Variants in PARD3 observed in about 807,000 individuals in gnomAD.
PARD3 encodes partitioning defective 3 homolog.
PARD3 carries 75 observed loss-of-function variants against 155.4 expected under a neutral mutation model. The observed-to-expected ratio is 0.48, with a 90% confidence interval of 0.40 to 0.58. PARD3 has a LOEUF of 0.58. Among genes scored for constraint, PARD3 ranks in the 20% least tolerant of loss-of-function variants. The pLI is 0.00. For missense variants in PARD3, 1,642 were observed against 1,721.7 expected, an observed-to-expected ratio of 0.95 and a Z score of 0.82; for synonymous variants, 576 against 610.5, an observed-to-expected ratio of 0.94 and a Z score of 0.83.
chr10:34,439,063 C>T (rs1198015407), intron 5 of PARD3, among the ~76,000 whole-genome samples: 1 of 152,090 alleles, frequency 6.6e-6, no homozygotes, highest in East Asian at 1.9e-4. Context: ...GTGCATGACT[C>T]CGTAGACAGG....
At chr10:34,254,776 AT>A (rs1217345307) in intron 22 of PARD3, among the ~76,000 whole-genome samples, 2 of 152,114 alleles carry the variant, frequency 1.3e-5, no homozygotes, top group Admixed American at 1.3e-4. Flanking sequence ...AATAGGTCTT[AT>A]TCATTTCCAT....
intron 22 of PARD3, among the ~76,000 whole-genome samples, chr10:34,152,802 G>T (rs1948839459): frequency 6.6e-6 from 1 of 152,176 alleles, no homozygotes; most frequent in South Asian, 2.1e-4. Flanking sequence ...GCACTGAATG[G>T]AAGGTTAAAG....
chr10:34,151,663 A>T (rs7096259), intron 22 of PARD3, among the ~76,000 whole-genome samples: 7,583 of 152,142 alleles, frequency 0.05, 472 homozygotes, highest in African/African-American at 0.15. Context: ...GCTTCAATTT[A>T]AAAAAATACA....
At chr10:34,244,324 T>C (rs934394377) in intron 22 of PARD3, among the ~76,000 whole-genome samples, 4 of 152,162 alleles carry the variant, frequency 2.6e-5, no homozygotes, top group African/African-American at 9.7e-5. Context: ...TCAGGAAACA[T>C]TTAAAGGAAA....
At chr10:34,477,781 G>A (rs960176017) in intron 3 of PARD3, among the ~76,000 whole-genome samples, 14 of 152,128 alleles carry the variant, frequency 9.2e-5, no homozygotes, top group Non-Finnish European at 1.8e-4. Flanking sequence ...GTATTTAATC[G>A]AATCTAAATA....
chr10:34,347,374 C>G (rs1460411459), intron 15 of PARD3, among the ~76,000 whole-genome samples: 1 of 152,180 alleles, frequency 6.6e-6, no homozygotes, highest in Non-Finnish European at 1.5e-5. Context: ...CACTGGGGGC[C>G]ATGCAGATAG....
chr10:34,453,362 T>C (rs1230189950), intron 4 of PARD3, among the ~76,000 whole-genome samples: 2 of 152,222 alleles, frequency 1.3e-5, no homozygotes, highest in South Asian at 2.1e-4. Context: ...TTCTAACTTA[T>C]AATTTAGCTA....
At chr10:34,628,097 A>G (rs2092074549) in intron 2 of PARD3, among the ~76,000 whole-genome samples, 1 of 152,214 alleles carries the variant, frequency 6.6e-6, no homozygotes. Flanking sequence ...TAAATGCAGG[A>G]TGTTCACCCA....
At chr10:34,252,811 G>C (rs1217623539) in intron 22 of PARD3, among the ~76,000 whole-genome samples, 1 of 151,892 alleles carries the variant, frequency 6.6e-6, no homozygotes, top group Non-Finnish European at 1.5e-5. Context: ...GAACGGACTA[G>C]ATATAAAAGT....
intron 22 of PARD3, among the ~76,000 whole-genome samples, chr10:34,205,221 G>T (rs940653218): frequency 2.6e-5 from 4 of 152,204 alleles, no homozygotes; most frequent in South Asian, 2.1e-4. Context: ...TGAGGTCACT[G>T]GGACTTTCAG....
intron 1 of PARD3, among the ~76,000 whole-genome samples, chr10:34,731,732 CCA>C (rs774278777): frequency 2.0e-5 from 3 of 152,196 alleles, no homozygotes; most frequent in Non-Finnish European, 2.9e-5. Flanking sequence ...ATTCCTTCTT[CCA>C]CAGTCTCCTA....
chr10:34,743,124 T>A (rs2095048716), intron 1 of PARD3, among the ~76,000 whole-genome samples: 1 of 152,178 alleles, frequency 6.6e-6, no homozygotes, highest in Admixed American at 6.5e-5. Context: ...TCATAATTAT[T>A]TTTCCATTGT....
chr10:34,306,111 T>G (rs753030455), intron 20 of PARD3, among the ~76,000 whole-genome samples: 1 of 151,342 alleles, frequency 6.6e-6, no homozygotes, highest in African/African-American at 2.4e-5. Context: ...ATGGCATACA[T>G]AGTGAAACCC....
rs1220308206 is a variant in PARD3, at chr10:34,246,618, ACCCT to A, written c.3419+23035_3419+23038del. 7.4e-3 allele frequency among the ~76,000 whole-genome samples: 1,126 copies of A among 152,050 alleles called. 16 individuals carry two copies. The highest frequency in any genetic ancestry group is 0.026 in the African/African-American group (1,065 of 41,378). ...GGGCCCTCTTCAGTCTTTGATTCCC[ACCCT>A]GGGCATGAGTAAGGGAAAATCCTAT... On this transcript the variant is annotated intron_variant, in intron 22 of 24. Coordinates refer to ENST00000374788, the MANE Select transcript of PARD3 (RefSeq NM_001184785.2).
At chr10:34,621,129 T>C (rs1174498127) in intron 2 of PARD3, among the ~76,000 whole-genome samples, 1 of 152,238 alleles carries the variant, frequency 6.6e-6, no homozygotes, top group Non-Finnish European at 1.5e-5. Context: ...GAAAAAGATT[T>C]CATCTGGCAG....
chr10:34,147,216 G>A (rs1163003484), intron 22 of PARD3, among the ~76,000 whole-genome samples: 1 of 151,944 alleles, frequency 6.6e-6, no homozygotes. Flanking sequence ...ACCTCACCCC[G>A]ATAACAGCAC....
intron 22 of PARD3, among the ~76,000 whole-genome samples, chr10:34,159,817 T>C (rs749838969): frequency 1.2e-4 from 18 of 152,224 alleles, no homozygotes; most frequent in Non-Finnish European, 1.3e-4. Context: ...AATTGAAAGC[T>C]TAAGTAACTT....
intron 22 of PARD3, among the ~76,000 whole-genome samples, chr10:34,180,668 G>T (rs1264634499): frequency 6.6e-6 from 1 of 152,046 alleles, no homozygotes; most frequent in Non-Finnish European, 1.5e-5. Context: ...CTACAACTTG[G>T]AAAAAGCTAG....
At chr10:34,692,397 T>C (rs915468571) in intron 2 of PARD3, among the ~76,000 whole-genome samples, 4 of 151,836 alleles carry the variant, frequency 2.6e-5, no homozygotes, top group Non-Finnish European at 4.4e-5. Context: ...AAACAAAAAT[T>C]GACAAATGGG....
Sources: gnomAD v4.1 joint callset for allele counts (sites outside exome capture counted in the v4.1 genomes callset) on GRCh38, gnomAD v4.1.1 for gene constraint, MANE v1.5 for transcripts, NCBI Gene and HGNC (gene_info 2026-07-23, HGNC 2026-07-21) for gene names.